CNBD1: variants seen among roughly 807,000 people sequenced by gnomAD.
The protein encoded by CNBD1 is cyclic nucleotide binding domain containing 1.
CNBD1 carries 71 observed loss-of-function variants against 54.4 expected under a neutral mutation model. That is an observed-to-expected ratio of 1.30 (90% confidence interval 1.08 to 1.59). CNBD1 has a LOEUF of 1.59. CNBD1 is among the 40% of genes most tolerant of loss of function. The pLI is 0.00. For synonymous variants in CNBD1, 182 were observed against 170.7 expected, an observed-to-expected ratio of 1.07 and a Z score of -0.51; for missense variants, 659 against 518.0, an observed-to-expected ratio of 1.27 and a Z score of -2.64.
chr8:87,155,140 A>G lies in CNBD1; in HGVS notation c.432-50853A>G, dbSNP rs544341845. On this transcript the variant is annotated intron_variant, in intron 4 of 10. Coordinates refer to ENST00000518476, the MANE Select transcript of CNBD1 (RefSeq NM_173538.3). ...ACTGTAAGAATAAACAATATTTCCAACATAGTTTCATTGGCAATAAGGGAG... is the reference window on the plus strand; with the variant it reads ...ACTGTAAGAATAAACAATATTTCCAGCATAGTTTCATTGGCAATAAGGGAG... Among the ~76,000 whole-genome samples the G allele has an allele frequency of 5.9e-5, 9 of 152,276 alleles. 1 individual carries two copies. The highest frequency in any genetic ancestry group is 4.6e-4 in the Admixed American group (7 of 15,298).
chr8:87,379,997 A>ACAT (rs1811041473), intron 10 of CNBD1, among the ~76,000 whole-genome samples: 1 of 149,534 alleles, frequency 6.7e-6, no homozygotes, highest in Non-Finnish European at 1.5e-5. Flanking sequence ...AAAATTTCAG[A>ACAT]CATCATCCAC....
intron 4 of CNBD1, among the ~76,000 whole-genome samples, chr8:87,184,178 A>G (rs1813425646): frequency 6.6e-6 from 1 of 152,160 alleles, no homozygotes; most frequent in African/African-American, 2.4e-5. Flanking sequence ...GCCAGCAGGG[A>G]TTCATCTGCA....
intron 4 of CNBD1, among the ~76,000 whole-genome samples, chr8:87,010,287 T>A (rs773224129): frequency 6.7e-6 from 1 of 148,276 alleles, no homozygotes. Flanking sequence ...CTGACACGAT[T>A]TTTTTTTCTT....
chr8:87,251,443 C>T lies in CNBD1; in HGVS notation c.771+14331C>T, dbSNP rs1191516249. ...CTCTACTAAAAATACAAAAAATTAGCTGGGCATGGTGGCCGGCACCTGTAA... is the reference window on the plus strand; with the variant it reads ...CTCTACTAAAAATACAAAAAATTAGTTGGGCATGGTGGCCGGCACCTGTAA... On this transcript the variant is annotated intron_variant, in intron 6 of 10. Coordinates refer to ENST00000518476, the MANE Select transcript of CNBD1 (RefSeq NM_173538.3). Among the ~76,000 whole-genome samples, 8 of 152,060 alleles carry T rather than the reference C, an allele frequency of 5.3e-5. No homozygotes were observed. In the South Asian group the frequency reaches 1.7e-3, roughly 32 times the overall value.
intron 4 of CNBD1, among the ~76,000 whole-genome samples, chr8:87,193,929 G>A (rs1243946069): frequency 6.6e-6 from 1 of 152,144 alleles, no homozygotes; most frequent in Non-Finnish European, 1.5e-5. Flanking sequence ...TCCTAGTGCA[G>A]GGGTCCCTAA....
At chr8:86,955,690 T>C (rs1339070494) in intron 4 of CNBD1, among the ~76,000 whole-genome samples, 1 of 152,238 alleles carries the variant, frequency 6.6e-6, no homozygotes, top group Non-Finnish European at 1.5e-5. Context: ...GTTTGATTTT[T>C]CCTTGTAAAT....
At chr8:87,240,943 G>A (rs4961016) in intron 6 of CNBD1, among the ~76,000 whole-genome samples, 96,384 of 151,752 alleles carry the variant, frequency 0.64, 31,109 homozygotes, top group Non-Finnish European at 0.69. Context: ...TTCCCTTTTC[G>A]TACAGTTTAG....
At chr8:86,933,944 A>T (rs182987234) in intron 3 of CNBD1, among the ~76,000 whole-genome samples, 2 of 152,272 alleles carry the variant, frequency 1.3e-5, no homozygotes, top group East Asian at 3.9e-4. Flanking sequence ...ATTGGATGTT[A>T]TGCCAAAATG....
intron 4 of CNBD1, among the ~76,000 whole-genome samples, chr8:87,107,478 T>C (rs1283475295): frequency 6.6e-6 from 1 of 152,218 alleles, no homozygotes; most frequent in Non-Finnish European, 1.5e-5. Context: ...TTCCAGCTAC[T>C]CATCTACATT....
chr8:87,229,614 A>T (rs971751276), intron 5 of CNBD1, among the ~76,000 whole-genome samples: 5 of 152,082 alleles, frequency 3.3e-5, no homozygotes, highest in African/African-American at 1.2e-4. Flanking sequence ...GCTTTTGTAA[A>T]TTCAGTTTCA....
At chr8:87,426,635 A>T (rs1163246185) in intron 2 of CNBD1, among the ~76,000 whole-genome samples, 5 of 152,190 alleles carry the variant, frequency 3.3e-5, no homozygotes, top group Admixed American at 2.6e-4. Context: ...TTTTCCTGAG[A>T]CATCAATTTC....
At chr8:87,110,528 G>A (rs73693033) in intron 4 of CNBD1, among the ~76,000 whole-genome samples, 6,111 of 152,132 alleles carry the variant, frequency 0.04, 400 homozygotes, top group African/African-American at 0.14. Flanking sequence ...ATAGCTTGTC[G>A]TTTACATTGG....
At chr8:87,319,770 G>A (rs1586009088) in intron 8 of CNBD1, among the ~76,000 whole-genome samples, 1 of 152,074 alleles carries the variant, frequency 6.6e-6, no homozygotes, top group African/African-American at 2.4e-5. Context: ...GAAAGTAGTA[G>A]GGTTTGAATT....
chr8:87,049,228 G>T (rs1810262604), intron 4 of CNBD1, among the ~76,000 whole-genome samples: 1 of 152,112 alleles, frequency 6.6e-6, no homozygotes, highest in South Asian at 2.1e-4. Flanking sequence ...CATGTACTCT[G>T]CAATGCATTA....
intron 5 of CNBD1, among the ~76,000 whole-genome samples, chr8:87,224,623 C>G (rs1292226814): frequency 2.6e-5 from 4 of 151,578 alleles, no homozygotes; most frequent in Admixed American, 6.6e-5. Context: ...GGTACCAGTA[C>G]CATGCTGTTT....
intron 4 of CNBD1, among the ~76,000 whole-genome samples, chr8:86,974,517 A>T (rs577549902): frequency 6.6e-6 from 1 of 152,216 alleles, no homozygotes; most frequent in Admixed American, 6.5e-5. Context: ...TATTCACAAT[A>T]GAATGGTTGT....
chr8:86,899,989 C>T (rs1455264224), intron 2 of CNBD1, among the ~76,000 whole-genome samples: 1 of 152,088 alleles, frequency 6.6e-6, no homozygotes, highest in Non-Finnish European at 1.5e-5. Flanking sequence ...TTGGTCACAT[C>T]TCAAGTATCC....
At chr8:87,011,906 G>C (rs1397139439) in intron 4 of CNBD1, among the ~76,000 whole-genome samples, 1 of 152,094 alleles carries the variant, frequency 6.6e-6, no homozygotes, top group South Asian at 2.1e-4. Flanking sequence ...GTGCTTGAAG[G>C]GGGAAAACAG....
At chr8:87,325,825 T>A (rs1809655968) in intron 8 of CNBD1, among the ~76,000 whole-genome samples, 1 of 149,138 alleles carries the variant, frequency 6.7e-6, no homozygotes, top group Non-Finnish European at 1.5e-5. Context: ...TATTGTTATG[T>A]GTGAATCTGA....
Sources: gnomAD v4.1 joint callset for allele counts (sites outside exome capture counted in the v4.1 genomes callset) on GRCh38, gnomAD v4.1.1 for gene constraint, MANE v1.5 for transcripts, NCBI Gene and HGNC (gene_info 2026-07-23, HGNC 2026-07-21) for gene names.